The following RAB3GAP1 variants were observed in gnomAD, a reference collection of about 807,000 sequenced individuals.
RAB3GAP1 encodes the protein RAB3 GTPase activating protein catalytic subunit 1.
In RAB3GAP1, 86 loss-of-function variants were observed where a neutral mutation model predicts 130.7. That is an observed-to-expected ratio of 0.66 (90% CI 0.55 to 0.79). The LOEUF (loss-of-function observed/expected upper bound fraction) is 0.79, where lower values mean the gene tolerates loss of function less well. Among genes scored for constraint, RAB3GAP1 ranks in the 30% least tolerant of loss-of-function variants. RAB3GAP1 has a pLI of 0.00. For synonymous variants in RAB3GAP1, 367 were observed against 401.7 expected (o/e 0.91, Z 1.03); for missense variants, 1,029 against 1,169.4 (o/e 0.88, Z 1.75).
At chr2:135,138,996 T>C (rs1691762045) in intron 17 of RAB3GAP1, among the ~76,000 whole-genome samples, 1 of 152,130 alleles carries the variant, frequency 6.6e-6, no homozygotes, top group Admixed American at 6.5e-5. Flanking sequence ...TCTCAGTGTT[T>C]TAGATTGTAT....
At position 135,115,293 on chromosome 2, in the gene RAB3GAP1, G is replaced by A; in HGVS notation, c.560G>A (p.Arg187Gln). 6 of 1,613,278 alleles carry A rather than the reference G, an allele frequency of 3.7e-6. No homozygotes were observed. Among genetic ancestry groups the A allele is most frequent in the Non-Finnish European group, 1.7e-6 (2 of 1,179,300 alleles). ...YVGECQGPGV[R>Q]TDFEMVHLRK... ...GGAGAATGTCAAGGTCCTGGTGTAC[G>A]AACTGATTTCGAAATGGTTCATCTT... The change falls in exon 7 of 24, where the codon CGA (arginine) becomes CAA (glutamine). Residue 187 changes from arginine to glutamine, a missense_variant. Arg to Gln is a conservative substitution (Grantham distance 43). Transcript: ENST00000264158.
chr2:135,158,675 G>A (rs576865074), intron 19 of RAB3GAP1, among the ~76,000 whole-genome samples: 15 of 152,294 alleles, frequency 9.8e-5, no homozygotes, highest in African/African-American at 3.4e-4. Flanking sequence ...TGAATATTAA[G>A]TCTAGGTGGA....
rs982380101 is a variant in RAB3GAP1 at position 135,115,371 on chromosome 2, A to G, written c.638A>G (p.Lys213Arg). Residue 213 changes from lysine to arginine, a missense_variant, in exon 7 of 24, where the codon AAA becomes AGA. Around this residue, in one of 3 missense-constraint regions of RAB3GAP1, gnomAD observed 510 missense variants for 532.1 expected, o/e 0.96. Transcript: ENST00000264158. ...TTATCAGGTCTGCTGGATATCTTCA[A>G]ATCAAAGATTGTGAGTTGGGATTGA... ...THLSGLLDIF[K>R]SKIGCPLTPL... 1 of 1,610,428 alleles carries G rather than the reference A, an allele frequency of 6.2e-7. No homozygotes were observed. Among genetic ancestry groups the G allele is most frequent in the Non-Finnish European group, 8.5e-7 (1 of 1,176,894 alleles).
At chr2:135,130,210 G>T in intron 12 of RAB3GAP1, 123 bp downstream of exon 12, 1 of 818,576 alleles carries the variant, frequency 1.2e-6, no homozygotes, top group South Asian at 1.5e-5. Flanking sequence ...AGTTTTGATG[G>T]ACTAGACAGC....
Position 135,126,621 on chromosome 2 carries a change from G to A in RAB3GAP1, c.938G>A (p.Arg313Lys). ...DPIQAPHWSVRVRKAENPQCL... is the reference protein window; with the variant it reads ...DPIQAPHWSVKVRKAENPQCL... ...ATTCAAGCTCCACATTGGTCTGTTAGAGTTCGAAAAGCTGAGAATCCTCAG... is the reference window on the plus strand; with the variant it reads ...ATTCAAGCTCCACATTGGTCTGTTAAAGTTCGAAAAGCTGAGAATCCTCAG... Residue 313 changes from arginine to lysine, a missense_variant, in exon 11 of 24, where the codon AGA becomes AAA. This residue lies in a region of RAB3GAP1 where 510 missense variants were observed against 532.1 expected (regional missense o/e 0.96). Transcript: ENST00000264158. The A allele has an allele frequency of 6.2e-7, 1 of 1,613,364 alleles. No individual in the cohort carries two copies. Among genetic ancestry groups the A allele is most frequent in the South Asian group, 1.1e-5 (1 of 91,058 alleles).
intron 18 of RAB3GAP1, among the ~76,000 whole-genome samples, chr2:135,150,791 T>C (rs550506725): frequency 7.9e-4 from 120 of 151,808 alleles, no homozygotes; most frequent in African/African-American, 2.7e-3. Context: ...GTTCAGCCAA[T>C]TTAATGGAAG....
chr2:135,128,755 T>C (rs1691427763), intron 11 of RAB3GAP1, among the ~76,000 whole-genome samples: 1 of 152,388 alleles, frequency 6.6e-6, no homozygotes, highest in African/African-American at 2.4e-5. Context: ...AATTTAGATG[T>C]ACTTGATGTA....
intron 13 of RAB3GAP1, among the ~76,000 whole-genome samples, chr2:135,131,665 T>C (rs1234706245): frequency 1.3e-5 from 2 of 152,188 alleles, no homozygotes; most frequent in Non-Finnish European, 2.9e-5. Flanking sequence ...CTGGGGGCCA[T>C]CCACACCATG....
At chr2:135,103,006 GA>G (rs371708711) in intron 5 of RAB3GAP1, among the ~76,000 whole-genome samples, 2,649 of 70,608 alleles carry the variant, frequency 0.038, 90 homozygotes, top group African/African-American at 0.13. Context: ...GACTCCGTCT[GA>G]AAAAAAAAAA....
intron 3 of RAB3GAP1, among the ~76,000 whole-genome samples, chr2:135,069,378 G>A (rs1246821783): frequency 6.6e-6 from 1 of 151,902 alleles, no homozygotes; most frequent in African/African-American, 2.4e-5. Flanking sequence ...TAATTTTTCT[G>A]CATTTAGTTT....
At chr2:135,117,799 C>CTTCTTCTTCT (rs1268801609) in intron 7 of RAB3GAP1, among the ~76,000 whole-genome samples, 53 of 151,202 alleles carry the variant, frequency 3.5e-4, no homozygotes, top group East Asian at 5.8e-4. Flanking sequence ...TCTTCTTCTT[C>CTTCTTCTTCT]TTCTTCTTCT....
intron 3 of RAB3GAP1, chr2:135,058,790 T>G (rs1689090458): frequency 6.6e-6 from 1 of 152,180 alleles, no homozygotes; most frequent in African/African-American, 2.4e-5. Flanking sequence ...TAAGTTTATG[T>G]AGATGCTTAG....
chr2:135,100,171 G>A (rs144317391), intron 5 of RAB3GAP1, among the ~76,000 whole-genome samples: 1 of 152,276 alleles, frequency 6.6e-6, no homozygotes, highest in African/African-American at 2.4e-5. Flanking sequence ...TTCACATTAT[G>A]ACTGCTAGGC....
At chr2:135,060,082 A>G (rs561411492) in intron 3 of RAB3GAP1, among the ~76,000 whole-genome samples, 2 of 152,310 alleles carry the variant, frequency 1.3e-5, no homozygotes, top group East Asian at 3.9e-4. Flanking sequence ...TGAAGTAAAC[A>G]GAATAGTATA....
At chr2:135,117,465 TCTG>T (rs1338814353) in intron 7 of RAB3GAP1, among the ~76,000 whole-genome samples, 71 of 129,968 alleles carry the variant, frequency 5.5e-4, no homozygotes, top group African/African-American at 1.7e-3. Flanking sequence ...TGCTTCTGCT[TCTG>T]CTTCTGCTTC....
At chr2:135,097,030 A>G (rs1690316217) in intron 5 of RAB3GAP1, among the ~76,000 whole-genome samples, 1 of 152,164 alleles carries the variant, frequency 6.6e-6, no homozygotes, top group Admixed American at 6.5e-5. Flanking sequence ...TTTTAAAATC[A>G]ACGTAGTAAA....
At position 135,115,391 on chromosome 2, in the gene RAB3GAP1, G is replaced by T; in HGVS notation, c.648+10G>T. The stretch of plus-strand genomic sequence containing the variant: ...CTTCAAATCAAAGATTGTGAGTTGG[G>T]ATTGATATTGTCAGTCTTATCTGAG... On this transcript the variant is annotated intron_variant, in intron 7 of 23. Coordinates refer to ENST00000264158, the MANE Select transcript of RAB3GAP1 (RefSeq NM_012233.3). 6.2e-7 allele frequency: 1 copy of T among 1,605,560 alleles called. No homozygotes were observed. Among genetic ancestry groups the T allele is most frequent in the Non-Finnish European group, 8.5e-7 (1 of 1,172,742 alleles).
In RAB3GAP1 at chr2:135,082,442, CT is replaced by C. The variant is rs746223510; in HGVS notation, c.151-8540del. 3.6e-3 allele frequency among the ~76,000 whole-genome samples: 508 copies of C among 141,554 alleles called. 4 individuals carry two copies. Among genetic ancestry groups the C allele is most frequent in the East Asian group, 0.027 (134 of 4,886 alleles). The allele number at this position is 141,554 out of a possible 152,430, so 92.9% of individuals were successfully genotyped here. On this transcript the variant is annotated intron_variant, in intron 3 of 23. Transcript: ENST00000264158. ...TAAATGGAATCATATAATACACACA[CT>C]TTTTTTTTTTTTTTTGAGACACAGT...
chr2:135,052,964 A>G (rs1233670258), intron 2 of RAB3GAP1, among the ~76,000 whole-genome samples: 1 of 152,144 alleles, frequency 6.6e-6, no homozygotes, highest in African/African-American at 2.4e-5. Flanking sequence ...TCACACTCCC[A>G]CCATCTCCAT....
Sources: allele counts gnomAD v4.1 joint callset (sites outside exome capture counted in the v4.1 genomes callset), GRCh38; gene constraint gnomAD v4.1.1; regional missense constraint gnomAD v4.1.1; transcripts MANE v1.5; gene names NCBI Gene and HGNC (gene_info 2026-07-23, HGNC 2026-07-21).